The following TMEM132D variants were observed in gnomAD, a reference collection of about 807,000 sequenced individuals.
TMEM132D encodes the protein mature OL transmembrane protein.
Under a neutral mutation model 62.3 loss-of-function variants are expected in TMEM132D, and 21 were observed. The observed-to-expected ratio is 0.34, with a 90% CI of 0.24 to 0.49. TMEM132D has a LOEUF of 0.49. Among genes scored for constraint, TMEM132D ranks in the 20% least tolerant of loss-of-function variants. The probability of loss-of-function intolerance (pLI) is 0.99; values close to 1 mark genes in which losing one functional copy is unlikely to be tolerated. For missense variants in TMEM132D, 1,346 were observed against 1,402.8 expected, an observed-to-expected ratio of 0.96 and a Z score of 0.65; for synonymous variants, 621 against 575.6, an observed-to-expected ratio of 1.08 and a Z score of -1.13.
intron 2 of TMEM132D, among the ~76,000 whole-genome samples, chr12:129,633,080 A>G (rs932626755): frequency 2.0e-5 from 3 of 152,218 alleles, no homozygotes; most frequent in African/African-American, 4.8e-5. Flanking sequence ...TTATCTTAAC[A>G]GAACCATCAT....
At chr12:129,883,215 T>C (rs7310822) in intron 1 of TMEM132D, among the ~76,000 whole-genome samples, 4,725 of 152,294 alleles carry the variant, frequency 0.031, 234 homozygotes, top group African/African-American at 0.11. Flanking sequence ...CAAAACTCAA[T>C]TGCATATCTA....
chr12:129,901,321 G>A (rs962185082), intron 1 of TMEM132D, among the ~76,000 whole-genome samples: 4 of 152,208 alleles, frequency 2.6e-5, no homozygotes, highest in African/African-American at 7.2e-5. Context: ...CCCTGTCCCT[G>A]AATGTATAAA....
intron 1 of TMEM132D, among the ~76,000 whole-genome samples, chr12:129,776,472 C>T (rs1300998505): frequency 6.6e-6 from 1 of 151,948 alleles, no homozygotes; most frequent in Admixed American, 6.6e-5. Context: ...ACCCCAATTT[C>T]CCAAGGCAAC....
chr12:129,219,000 C>T (rs1423577218), intron 4 of TMEM132D, among the ~76,000 whole-genome samples: 1 of 152,132 alleles, frequency 6.6e-6, no homozygotes, highest in Admixed American at 6.5e-5. Flanking sequence ...ACAGGTTTCC[C>T]CGGGTGTGTA....
At position 129,739,564 on chromosome 12, in the gene TMEM132D, T is replaced by C. The variant is rs1022147102; in HGVS notation, c.80-38866A>G. Among the ~76,000 whole-genome samples the C allele has an allele frequency of 3.3e-5, 5 of 152,154 alleles. No individual in the cohort carries two copies. In the South Asian group the frequency reaches 1.0e-3, roughly 31 times the overall value. On this transcript the variant is annotated intron_variant, in intron 1 of 8. Coordinates refer to ENST00000422113, the MANE Select transcript of TMEM132D (RefSeq NM_133448.3). ...CTGGACTGCTGGGTCACACCTATAA[T>C]GGTATCTAATCAAAATTCCTTTATG... is the stretch of plus-strand genomic sequence containing the variant.
At chr12:129,331,857 G>A (rs912341476) in intron 4 of TMEM132D, among the ~76,000 whole-genome samples, 3 of 152,152 alleles carry the variant, frequency 2.0e-5, no homozygotes, top group East Asian at 1.9e-4. Flanking sequence ...TTTGAGAAAC[G>A]GAGACCTTTC....
At chr12:129,461,083 G>A (rs1360312414) in intron 3 of TMEM132D, among the ~76,000 whole-genome samples, 2 of 152,202 alleles carry the variant, frequency 1.3e-5, no homozygotes, top group African/African-American at 2.4e-5. Flanking sequence ...AAGTTTTAAT[G>A]CTACTCTGCT....
At chr12:129,761,044 A>G (rs1007200256) in intron 1 of TMEM132D, among the ~76,000 whole-genome samples, 3 of 152,020 alleles carry the variant, frequency 2.0e-5, no homozygotes, top group Non-Finnish European at 4.4e-5. Context: ...GAAAAGAAAA[A>G]AAAAACAGGC....
chr12:129,893,548 C>T (rs951138184), intron 1 of TMEM132D, among the ~76,000 whole-genome samples: 3 of 151,990 alleles, frequency 2.0e-5, no homozygotes, highest in Admixed American at 6.6e-5. Flanking sequence ...AAGAAGTCAT[C>T]GCTTTTCCAA....
intron 1 of TMEM132D, among the ~76,000 whole-genome samples, chr12:129,746,772 C>G (rs1869793806): frequency 6.6e-6 from 1 of 152,108 alleles, no homozygotes; most frequent in South Asian, 2.1e-4. Flanking sequence ...GGAAGGTTTT[C>G]TCTGCACTCC....
intron 2 of TMEM132D, among the ~76,000 whole-genome samples, chr12:129,557,098 T>C (rs974530225): frequency 4.6e-5 from 7 of 152,224 alleles, no homozygotes; most frequent in African/African-American, 1.7e-4. Flanking sequence ...AAGAAATATA[T>C]AGACAACCTC....
intron 3 of TMEM132D, among the ~76,000 whole-genome samples, chr12:129,432,551 G>A (rs2135717175): frequency 6.6e-6 from 1 of 152,378 alleles, no homozygotes; most frequent in Admixed American, 6.5e-5. Context: ...ATAAAGGAAT[G>A]AGAGTGGTCT....
At chr12:129,545,229 A>G (rs1481223952) in intron 2 of TMEM132D, among the ~76,000 whole-genome samples, 1 of 152,148 alleles carries the variant, frequency 6.6e-6, no homozygotes, top group Non-Finnish European at 1.5e-5. Flanking sequence ...GAGGCTGAGC[A>G]TGATGTCAGC....
intron 4 of TMEM132D, among the ~76,000 whole-genome samples, chr12:129,233,469 T>C (rs1190402545): frequency 6.6e-6 from 1 of 152,218 alleles, no homozygotes; most frequent in African/African-American, 2.4e-5. Context: ...AGATGTATTT[T>C]TGGTGAGGTC....
chr12:129,514,517 A>G (rs1672150212), intron 3 of TMEM132D, among the ~76,000 whole-genome samples: 1 of 152,182 alleles, frequency 6.6e-6, no homozygotes, highest in South Asian at 2.1e-4. Context: ...TAGAACATCA[A>G]TAGTATGTGC....
At chr12:129,642,678 A>T (rs940721972) in intron 2 of TMEM132D, among the ~76,000 whole-genome samples, 10 of 152,194 alleles carry the variant, frequency 6.6e-5, no homozygotes, top group African/African-American at 2.4e-4. Flanking sequence ...TATTTTCCAA[A>T]CCTTAGCTAT....
intron 8 of TMEM132D, among the ~76,000 whole-genome samples, chr12:129,077,873 A>G (rs1455300648): frequency 7.1e-6 from 1 of 141,492 alleles, no homozygotes; most frequent in Non-Finnish European, 1.6e-5. Context: ...ACACACATGC[A>G]TACACAGACA....
At chr12:129,705,886 A>G (rs1169222196) in intron 1 of TMEM132D, among the ~76,000 whole-genome samples, 1 of 152,156 alleles carries the variant, frequency 6.6e-6, no homozygotes, top group Non-Finnish European at 1.5e-5. Flanking sequence ...GAACAAAAGA[A>G]AGTTAAAGTG....
intron 1 of TMEM132D, among the ~76,000 whole-genome samples, chr12:129,762,440 G>A (rs1009230880): frequency 3.9e-5 from 6 of 151,994 alleles, no homozygotes; most frequent in East Asian, 1.9e-4. Flanking sequence ...GAGCCCATCC[G>A]TGTGCAGACC....
Sources: allele counts gnomAD v4.1 joint callset (sites outside exome capture counted in the v4.1 genomes callset), GRCh38; gene constraint gnomAD v4.1.1; transcripts MANE v1.5; gene names NCBI Gene and HGNC (gene_info 2026-07-23, HGNC 2026-07-21).